Variants in CAPZA2 observed in about 807,000 individuals in gnomAD.
CAPZA2 encodes the protein capping actin protein of muscle Z-line subunit alpha 2, also known as F-actin-capping protein subunit alpha-2.
A neutral mutation model predicts 44.0 loss-of-function variants in CAPZA2; 13 were observed. The observed-to-expected ratio is 0.30, with a 90% confidence interval of 0.19 to 0.47. The LOEUF (loss-of-function observed/expected upper bound fraction) is 0.47, where lower values mean the gene tolerates loss of function less well. Ranked by LOEUF, CAPZA2 falls within the 20% of genes least tolerant of loss-of-function variation. The pLI is 1.00. For missense variants in CAPZA2, 244 were observed against 338.6 expected, an observed-to-expected ratio of 0.72 and a Z score of 2.19; for synonymous variants, 94 against 108.2, an observed-to-expected ratio of 0.87 and a Z score of 0.81.
chr7:116,884,633 T>A lies in CAPZA2; in HGVS notation c.40-3494T>A, dbSNP rs535811422. 1.5e-4 allele frequency among the ~76,000 whole-genome samples: 23 copies of A among 152,350 alleles called. 1 individual carries two copies. The South Asian group carries it at 4.6e-3, about 30-fold the overall frequency. ...TTTATTGCTGAGTGATATTTCATTG[T>A]GTAGATATACCATGGTTTATTTGTC... On this transcript the variant is annotated intron_variant, in intron 1 of 9. Transcript: ENST00000361183.
intron 1 of CAPZA2, among the ~76,000 whole-genome samples, chr7:116,876,763 G>A (rs1035957661): frequency 1.1e-4 from 16 of 152,304 alleles, no homozygotes; most frequent in African/African-American, 3.4e-4. Flanking sequence ...TACAAAACCT[G>A]ACACTGGACA....
chr7:116,880,430 C>G (rs1796677014), intron 1 of CAPZA2, among the ~76,000 whole-genome samples: 1 of 152,226 alleles, frequency 6.6e-6, no homozygotes, highest in South Asian at 2.1e-4. Context: ...GGGAGTCTCA[C>G]TGTGTTGCCC....
intron 4 of CAPZA2, among the ~76,000 whole-genome samples, chr7:116,902,526 A>G (rs1797009739): frequency 6.6e-6 from 1 of 152,198 alleles, no homozygotes; most frequent in South Asian, 2.1e-4. Flanking sequence ...AAAAAGAGCT[A>G]TAGTGCCTAT....
At position 116,882,514 on chromosome 7, in the gene CAPZA2, C is replaced by G. The variant is rs927704482; in HGVS notation, c.40-5613C>G. Among the ~76,000 whole-genome samples, 8 of 151,700 alleles carry G rather than the reference C, an allele frequency of 5.3e-5. No homozygotes were observed. In the South Asian group the frequency reaches 1.2e-3, roughly 24 times the overall value. ...CAAAAAAGTAAGCCCATAAGAAAAA[C>G]AAGATACGAAAAAATATTGTTTGAC... On this transcript the variant is annotated intron_variant, in intron 1 of 9. Coordinates refer to ENST00000361183, the MANE Select transcript of CAPZA2 (RefSeq NM_006136.3).
chr7:116,901,990 G>T (rs1741607872), intron 4 of CAPZA2, among the ~76,000 whole-genome samples: 2 of 151,638 alleles, frequency 1.3e-5, no homozygotes, highest in South Asian at 4.2e-4. Flanking sequence ...TTACCAGATA[G>T]TACAAGTTGT....
intron 1 of CAPZA2, among the ~76,000 whole-genome samples, chr7:116,878,601 G>T (rs1043834056): frequency 6.6e-6 from 1 of 152,142 alleles, no homozygotes; most frequent in South Asian, 2.1e-4. Context: ...TCTTAACTGC[G>T]CATTGCCACC....
At chr7:116,905,648 G>T (rs1791489021) in intron 5 of CAPZA2, among the ~76,000 whole-genome samples, 1 of 152,090 alleles carries the variant, frequency 6.6e-6, no homozygotes. Flanking sequence ...TTGTTCATCA[G>T]GATTATTTTG....
intron 2 of CAPZA2, 26 bp from the exon 3 acceptor site, chr7:116,892,968 A>C: frequency 6.6e-7 from 1 of 1,524,314 alleles, no homozygotes. Context: ...AACAATAATA[A>C]TGTAGATAAC....
chr7:116,873,602 T>G (rs1796579569), intron 1 of CAPZA2: 1 of 155,202 alleles, frequency 6.4e-6, no homozygotes, highest in Non-Finnish European at 1.5e-5. Context: ...TCTGGAGAAT[T>G]CATGGACATA....
chr7:116,910,622 C>T (rs1026404328), intron 7 of CAPZA2, among the ~76,000 whole-genome samples: 1 of 152,134 alleles, frequency 6.6e-6, no homozygotes, highest in Admixed American at 6.5e-5. Flanking sequence ...TTGTGTACTT[C>T]TCTCCTCTGA....
chr7:116,875,431 T>C (rs1434737422), intron 1 of CAPZA2: 1 of 152,190 alleles, frequency 6.6e-6, no homozygotes, highest in African/African-American at 2.4e-5. Context: ...AAAATTGATA[T>C]AAGAGCTTCT....
intron 3 of CAPZA2, among the ~76,000 whole-genome samples, chr7:116,896,375 C>G (rs1358479448): frequency 6.6e-6 from 1 of 152,080 alleles, no homozygotes; most frequent in Admixed American, 6.6e-5. Flanking sequence ...CATTGCTAGA[C>G]TTTGCTGTGA....
At chr7:116,886,660 A>T (rs1298565209) in intron 1 of CAPZA2, among the ~76,000 whole-genome samples, 2 of 152,182 alleles carry the variant, frequency 1.3e-5, no homozygotes, top group African/African-American at 4.8e-5. Context: ...TCACCTGGAG[A>T]TGTTGTTTAA....
intron 4 of CAPZA2, among the ~76,000 whole-genome samples, chr7:116,901,020 G>A (rs1330378583): frequency 6.6e-6 from 1 of 152,044 alleles, no homozygotes; most frequent in Non-Finnish European, 1.5e-5. Context: ...AACAGATGCT[G>A]GTGAGGTTAC....
chr7:116,899,466 C>T (rs1249842879), intron 4 of CAPZA2, among the ~76,000 whole-genome samples: 1 of 151,674 alleles, frequency 6.6e-6, no homozygotes, highest in East Asian at 1.9e-4. Flanking sequence ...CATGTCAAAG[C>T]TTTTATTTGG....
intron 1 of CAPZA2, among the ~76,000 whole-genome samples, chr7:116,885,857 C>T (rs1049679169): frequency 2.6e-5 from 4 of 152,062 alleles, no homozygotes; most frequent in Non-Finnish European, 5.9e-5. Flanking sequence ...TTTATGGAGG[C>T]ATTATTATGT....
intron 1 of CAPZA2, among the ~76,000 whole-genome samples, chr7:116,877,940 G>A (rs1796642369): frequency 6.6e-6 from 1 of 152,188 alleles, no homozygotes; most frequent in South Asian, 2.1e-4. Flanking sequence ...AAGTGCCTGG[G>A]TCTGAATAAA....
intron 1 of CAPZA2, chr7:116,876,379 A>G (rs2115885947): frequency 6.6e-6 from 1 of 152,266 alleles, no homozygotes; most frequent in South Asian, 2.1e-4. Flanking sequence ...AGGTTGGCTC[A>G]GATCTTCCTT....
chr7:116,881,270 G>T (rs937971272), intron 1 of CAPZA2, among the ~76,000 whole-genome samples: 1 of 151,994 alleles, frequency 6.6e-6, no homozygotes, highest in Non-Finnish European at 1.5e-5. Flanking sequence ...GAGCCCTATC[G>T]CACATCAGAC....
Sources: allele counts gnomAD v4.1 joint callset (sites outside exome capture counted in the v4.1 genomes callset), GRCh38; gene constraint gnomAD v4.1.1; transcripts MANE v1.5; gene names NCBI Gene and HGNC (gene_info 2026-07-23, HGNC 2026-07-21).